The following WWTR1 variants were observed in gnomAD, a reference collection of about 807,000 sequenced individuals.
WWTR1 encodes the protein WW domain-containing transcription regulator protein 1.
A neutral mutation model predicts 40.1 loss-of-function variants in WWTR1; 13 were observed. That is an observed-to-expected ratio of 0.32 (90% confidence interval 0.21 to 0.52). The LOEUF (loss-of-function observed/expected upper bound fraction) is 0.52, where lower values mean the gene tolerates loss of function less well. Among genes scored for constraint, WWTR1 ranks in the 20% least tolerant of loss-of-function variants. WWTR1 has a pLI of 0.97. For missense variants in WWTR1, 436 were observed against 523.1 expected (o/e 0.83, Z 1.63); for synonymous variants, 230 against 210.1 (o/e 1.09, Z -0.82).
rs1237902173 is a variant in WWTR1 at position 149,538,727 on chromosome 3, C to G, written c.771+3608G>C. ...ATCTGATGCTCACTTTCACAGAACT[C>G]TGCTCAGGTGCATCTGGTCTCAGTT... On this transcript the variant is annotated intron_variant, in intron 4 of 6. Coordinates refer to ENST00000360632, the MANE Select transcript of WWTR1 (RefSeq NM_015472.6). 2.0e-5 allele frequency among the ~76,000 whole-genome samples: 3 copies of G among 152,318 alleles called. No individual in the cohort carries two copies. The East Asian group carries it at 5.8e-4, about 29-fold the overall frequency.
chr3:149,609,726 T>C (rs1018254546), intron 2 of WWTR1, among the ~76,000 whole-genome samples: 2 of 152,226 alleles, frequency 1.3e-5, no homozygotes, highest in South Asian at 4.1e-4. Flanking sequence ...AATGTGGCTT[T>C]AGTAAGTTTC....
At chr3:149,547,826 C>CTTT (rs751934319) in intron 3 of WWTR1, among the ~76,000 whole-genome samples, 1 of 133,328 alleles carries the variant, frequency 7.5e-6, no homozygotes, top group African/African-American at 2.8e-5. Flanking sequence ...TTCCCTTTTT[C>CTTT]TTTTTTTTTT....
intron 5 of WWTR1, among the ~76,000 whole-genome samples, chr3:149,711,097 C>T (rs1715467622): frequency 6.9e-6 from 1 of 145,218 alleles, no homozygotes; most frequent in South Asian, 2.2e-4. Context: ...TTTACGGGCA[C>T]AGTTAGGAAA....
chr3:149,666,080 C>A (rs1414016852), intron 2 of WWTR1, among the ~76,000 whole-genome samples: 1 of 152,190 alleles, frequency 6.6e-6, no homozygotes, highest in Non-Finnish European at 1.5e-5. Flanking sequence ...TATTGTTTGA[C>A]AATTTCACTC....
chr3:149,635,754 G>A (rs1164893181), intron 2 of WWTR1, among the ~76,000 whole-genome samples: 1 of 152,180 alleles, frequency 6.6e-6, no homozygotes, highest in Non-Finnish European at 1.5e-5. Context: ...GCAGGATTGG[G>A]GATAGAGGGT....
intron 2 of WWTR1, among the ~76,000 whole-genome samples, chr3:149,583,254 C>T (rs538588635): frequency 5.3e-4 from 80 of 152,308 alleles, no homozygotes; most frequent in African/African-American, 1.9e-3. Context: ...GCATGAGCCA[C>T]CACGCCCAGC....
intron 3 of WWTR1, among the ~76,000 whole-genome samples, chr3:149,565,189 AAAAT>A (rs1199115136): frequency 1.3e-5 from 2 of 152,102 alleles, no homozygotes; most frequent in African/African-American, 2.4e-5. Context: ...TGCATCTCAG[AAAAT>A]AAATAAATAA....
At chr3:149,709,796 C>T (rs559945907) in intron 5 of WWTR1, among the ~76,000 whole-genome samples, 58 of 152,094 alleles carry the variant, frequency 3.8e-4, no homozygotes, top group African/African-American at 1.4e-3. Flanking sequence ...CCCAGCTACT[C>T]GAGAGGCTGA....
At chr3:149,668,358 G>A (rs1212239786) in intron 2 of WWTR1, among the ~76,000 whole-genome samples, 2 of 152,130 alleles carry the variant, frequency 1.3e-5, no homozygotes, top group Non-Finnish European at 2.9e-5. Flanking sequence ...TGTAATCTGA[G>A]CACTTTGGGA....
intron 2 of WWTR1, among the ~76,000 whole-genome samples, chr3:149,654,767 C>T (rs1219897453): frequency 1.3e-5 from 2 of 152,184 alleles, no homozygotes; most frequent in Non-Finnish European, 2.9e-5. Context: ...TTAATAATCA[C>T]AGTTATACTG....
chr3:149,581,209 A>G (rs908767700), intron 2 of WWTR1, among the ~76,000 whole-genome samples: 2 of 152,216 alleles, frequency 1.3e-5, no homozygotes, highest in African/African-American at 4.8e-5. Flanking sequence ...CATTCTGCCC[A>G]AATCCTAAAC....
At chr3:149,632,001 C>T (rs1458397851) in intron 2 of WWTR1, among the ~76,000 whole-genome samples, 1 of 152,092 alleles carries the variant, frequency 6.6e-6, no homozygotes, top group Admixed American at 6.5e-5. Flanking sequence ...CCTCAACTTC[C>T]CAGGCTCAAG....
rs986520947 is a variant in WWTR1 at position 149,575,810 on chromosome 3, T to C, written c.432-2810A>G. Among the ~76,000 whole-genome samples the C allele has an allele frequency of 6.0e-5, 8 of 133,462 alleles. No homozygotes were observed. The East Asian group carries it at 1.5e-3, about 26-fold the overall frequency. 87.6% of individuals were successfully genotyped at this position (133,462 alleles called of 152,430 possible). A position where few individuals can be genotyped will look rare whatever the true frequency, so the allele number is the denominator to read the frequency against. ...AGATGAGCTCATCTTGCCCCAGGAG[T>C]GCCAGCACAGCTTGCCAGCCTAAAT... On this transcript the variant is annotated intron_variant, in intron 2 of 6. Transcript: ENST00000360632.
chr3:149,692,831 T>C (rs1714868384), intron 1 of WWTR1, among the ~76,000 whole-genome samples: 2 of 152,036 alleles, frequency 1.3e-5, no homozygotes, highest in South Asian at 4.1e-4. Flanking sequence ...GATGGGTTTT[T>C]ACCATGTTGG....
chr3:149,524,610 C>T (rs917029947), intron 6 of WWTR1, among the ~76,000 whole-genome samples: 3 of 152,156 alleles, frequency 2.0e-5, no homozygotes, highest in South Asian at 2.1e-4. Context: ...CAAACTATTC[C>T]TGTGTCACTC....
chr3:149,656,905 G>A lies in WWTR1; in HGVS notation c.402C>T (p.Phe134=). The change falls in exon 2 of 7, where the codon TTC becomes TTT. Residue 134 remains phenylalanine, a synonymous_variant. Coordinates refer to ENST00000360632, the MANE Select transcript of WWTR1 (RefSeq NM_015472.6). ...LPLPPGWEMT[F]TATGQRYFLN... is the part of the protein sequence containing the mutation. The stretch of plus-strand genomic sequence containing the variant: ...GGAAGTACCTCTGGCCAGTGGCCGT[G>A]AAGGTCATCTCCCAGCCCGGGGGCA... 1 of 1,542,884 alleles carries A rather than the reference G, an allele frequency of 6.5e-7. No individual in the cohort carries two copies. Among genetic ancestry groups the A allele is most frequent in the East Asian group, 2.3e-5 (1 of 43,856 alleles).
intron 1 of WWTR1, among the ~76,000 whole-genome samples, chr3:149,692,199 A>C (rs546638791): frequency 2.0e-5 from 3 of 152,272 alleles, no homozygotes; most frequent in Non-Finnish European, 4.4e-5. Flanking sequence ...GAACAAAAAG[A>C]AAAAAGAACA....
At chr3:149,621,993 A>T (rs1740299582) in intron 2 of WWTR1, among the ~76,000 whole-genome samples, 1 of 152,138 alleles carries the variant, frequency 6.6e-6, no homozygotes, top group South Asian at 2.1e-4. Context: ...ACCTTTATCT[A>T]AAAAATATTT....
chr3:149,570,958 G>A (rs1163064752), intron 3 of WWTR1, among the ~76,000 whole-genome samples: 1 of 152,152 alleles, frequency 6.6e-6, no homozygotes, highest in Non-Finnish European at 1.5e-5. Flanking sequence ...CCAGATAGGA[G>A]TTAGTTAAAT....
Sources: allele counts gnomAD v4.1 joint callset (sites outside exome capture counted in the v4.1 genomes callset), GRCh38; gene constraint gnomAD v4.1.1; transcripts MANE v1.5; gene names NCBI Gene and HGNC (gene_info 2026-07-23, HGNC 2026-07-21).